EIF3M: variants seen among roughly 807,000 people sequenced by gnomAD.
The protein encoded by EIF3M is B5 receptor.
A neutral mutation model predicts 49.7 loss-of-function variants in EIF3M; 25 were observed. The observed-to-expected ratio is 0.50, with a 90% CI of 0.37 to 0.70. The LOEUF is 0.70. EIF3M is among the 30% of genes least tolerant of loss of function. EIF3M has a pLI of 0.00. For missense variants in EIF3M, 350 were observed against 440.0 expected, an observed-to-expected ratio of 0.80 and a Z score of 1.83; for synonymous variants, 156 against 149.8, an observed-to-expected ratio of 1.04 and a Z score of -0.30.
At chr11:32,594,651 G>C (rs144588614) in intron 6 of EIF3M, 18 of 306,934 alleles carry the variant, frequency 5.9e-5, no homozygotes, top group African/African-American at 3.3e-4. Context: ...TGGTTCTGCT[G>C]CTGCTTACTA....
intron 2 of EIF3M, among the ~76,000 whole-genome samples, chr11:32,587,920 A>G (rs1197732344): frequency 6.6e-6 from 1 of 152,236 alleles, no homozygotes; most frequent in African/African-American, 2.4e-5. Flanking sequence ...AACTAATTCA[A>G]GCAGAGAGCT....
At chr11:32,600,929 C>A in intron 9 of EIF3M, 97 bp downstream of exon 9, 1 of 1,452,454 alleles carries the variant, frequency 6.9e-7, no homozygotes, top group Non-Finnish European at 9.2e-7. Context: ...CCTTACACAA[C>A]AAAGATTTGT....
At position 32,583,836 on chromosome 11, in the gene EIF3M, C is replaced by G; in HGVS notation, c.-52C>G. 5 of 1,598,068 alleles carry G rather than the reference C, an allele frequency of 3.1e-6. No homozygotes were observed. The highest frequency in any genetic ancestry group is 4.3e-6 in the Non-Finnish European group (5 of 1,169,282). On this transcript the variant is annotated 5_prime_UTR_variant, in exon 1 of 11. Transcript: ENST00000531120. ...GCGTCGCGCGGCCCAGTTCCCTTTT[C>G]CGGTCGGCGTGGTCTTGCGAGTGGA...
chr11:32,584,607 C>CAA lies in EIF3M; in HGVS notation c.42+698_42+699dup, dbSNP rs796738414. On this transcript the variant is annotated intron_variant, in intron 1 of 10. Coordinates refer to ENST00000531120, the MANE Select transcript of EIF3M (RefSeq NM_006360.6). ...TGGGCGACAGAGCGAGAGTCCCTCT[C>CAA]AAAAAAAAAAAAAAAAAAAAAGATC... 6.3e-4 allele frequency among the ~76,000 whole-genome samples: 39 copies of CAA among 62,278 alleles called. 1 individual carries two copies. Among genetic ancestry groups the CAA allele is most frequent in the South Asian group, 2.1e-3 (2 of 932 alleles). 40.9% of individuals were successfully genotyped at this position (62,278 alleles called of 152,430 possible). A position where few individuals can be genotyped will look rare whatever the true frequency, so the allele number is the denominator to read the frequency against.
At chr11:32,599,121 A>G (rs779971029) in intron 8 of EIF3M, among the ~76,000 whole-genome samples, 5 of 152,080 alleles carry the variant, frequency 3.3e-5, no homozygotes, top group Non-Finnish European at 4.4e-5. Flanking sequence ...AGTTTGTCAG[A>G]ACATTTTCCT....
chr11:32,589,406 C>T (rs1407221860), intron 4 of EIF3M, 141 bp from the exon 5 acceptor site: 3 of 886,618 alleles, frequency 3.4e-6, no homozygotes, highest in African/African-American at 3.4e-5. Context: ...GAACTCCCGA[C>T]TTCAGTTGAT....
intron 8 of EIF3M, among the ~76,000 whole-genome samples, chr11:32,596,430 C>T (rs1331262883): frequency 1.3e-5 from 2 of 151,708 alleles, no homozygotes; most frequent in African/African-American, 4.8e-5. Context: ...CCTGTCTCTA[C>T]TAAAAATACA....
At chr11:32,589,742 G>A in intron 5 of EIF3M, 101 bp downstream of exon 5, 1 of 879,426 alleles carries the variant, frequency 1.1e-6, no homozygotes. Context: ...GCTTTACTCT[G>A]TTCTCCACAG....
intron 8 of EIF3M, among the ~76,000 whole-genome samples, chr11:32,596,600 CAAAA>C (rs35206274): frequency 6.0e-5 from 7 of 116,372 alleles, no homozygotes; most frequent in Admixed American, 2.8e-4. Context: ...GAGTCTGTCT[CAAAA>C]AAAAAAAAAA....
intron 5 of EIF3M, chr11:32,592,137 C>T (rs1855112506): frequency 2.9e-6 from 1 of 342,458 alleles, no homozygotes; most frequent in South Asian, 2.4e-5. Flanking sequence ...CCATATCCTC[C>T]TCTTCCACCA....
intron 10 of EIF3M, 83 bp downstream of exon 10, chr11:32,601,905 G>A (rs1855273996): frequency 2.1e-6 from 3 of 1,440,488 alleles, no homozygotes; most frequent in Admixed American, 3.7e-5. Flanking sequence ...AGAGAACCAA[G>A]GTGGTGTTAT....
At chr11:32,596,147 T>A in intron 8 of EIF3M, 100 bp downstream of exon 8, 1 of 910,748 alleles carries the variant, frequency 1.1e-6, no homozygotes. Context: ...TGGCCTTATT[T>A]GTAGATTATC....
rs1356986265 is a variant in EIF3M, at chr11:32,602,858, TC to T, written c.*460del. The T allele has an allele frequency of 3.1e-6, 5 of 1,609,660 alleles. No individual in the cohort carries two copies. Among genetic ancestry groups the T allele is most frequent in the South Asian group, 1.1e-5 (1 of 90,168 alleles). ...TCCAACGTCTCTTCTGCTTTTCTTT[TC>T]TTTGGCTGGTTGTCATTTTCTAAAC... On this transcript the variant is annotated 3_prime_UTR_variant, in exon 11 of 11. Transcript: ENST00000531120.
chr11:32,586,009 C>A (rs1435709728), intron 1 of EIF3M, among the ~76,000 whole-genome samples: 2 of 152,180 alleles, frequency 1.3e-5, no homozygotes, highest in Non-Finnish European at 2.9e-5. Context: ...GCCCGTGGAT[C>A]ACCGGAGGTC....
chr11:32,583,881 C>T lies in EIF3M; in HGVS notation c.-7C>T. On this transcript the variant is annotated 5_prime_UTR_variant, in exon 1 of 11. Transcript: ENST00000531120. ...AGTGGAGTGTCCGCTGTGCCCGGGC[C>T]TGCACCATGAGCGTCCCGGCCTTCA... The T allele has an allele frequency of 6.2e-7, 1 of 1,613,686 alleles. No individual in the cohort carries two copies. Among genetic ancestry groups the T allele is most frequent in the Non-Finnish European group, 8.5e-7 (1 of 1,179,800 alleles).
chr11:32,604,580 T>A lies in EIF3M; in HGVS notation c.*2181T>A, dbSNP rs766909905. The A allele has an allele frequency of 6.6e-6, 1 of 152,250 alleles. No homozygotes were observed. The highest frequency in any genetic ancestry group is 2.4e-5 in the African/African-American group (1 of 41,474). 9.4% of individuals were successfully genotyped at this position (152,250 alleles called of 1,614,324 possible). ...GGGGTCATATTTTTATTGGTTTATA[T>A]GCTATGTTAAACATTTTTAGCATTT... On this transcript the variant is annotated 3_prime_UTR_variant, in exon 11 of 11. Coordinates refer to ENST00000531120, the MANE Select transcript of EIF3M (RefSeq NM_006360.6).
Position 32,605,386 on chromosome 11 carries a change from A to G in EIF3M, c.*2987A>G, listed in dbSNP as rs1413251429. 1 of 152,102 alleles carries G rather than the reference A, an allele frequency of 6.6e-6. No homozygotes were observed. Among genetic ancestry groups the G allele is most frequent in the African/African-American group, 2.4e-5 (1 of 41,412 alleles). 9.4% of individuals were successfully genotyped at this position (152,102 alleles called of 1,614,324 possible). A position where few individuals can be genotyped will look rare whatever the true frequency, so the allele number is the denominator to read the frequency against. On this transcript the variant is annotated 3_prime_UTR_variant, in exon 11 of 11. Transcript: ENST00000531120. The stretch of plus-strand genomic sequence containing the variant: ...CAAAAGTGTCTGCACAGGACTGCTA[A>G]GAGAACCTAGGCAAGTCATTTAATT...
chr11:32,589,251 A>G, intron 4 of EIF3M, 116 bp downstream of exon 4: 1 of 1,454,976 alleles, frequency 6.9e-7, no homozygotes, highest in Non-Finnish European at 9.2e-7. Flanking sequence ...ATCTCAGCTC[A>G]CCGCAACCTC....
rs576407070 is a variant in EIF3M at position 32,588,508 on chromosome 11, G to A, written c.176-86G>A. The A allele has an allele frequency of 4.2e-5, 61 of 1,448,196 alleles. No individual in the cohort carries two copies. In the African/African-American group the frequency reaches 8.3e-4, roughly 20 times the overall value. 89.7% of individuals were successfully genotyped at this position (1,448,196 alleles called of 1,614,324 possible). A position where few individuals can be genotyped will look rare whatever the true frequency, so the allele number is the denominator to read the frequency against. ...TGTCTTACATTTGATGGTCTTCATT[G>A]TATTAAAACACTGGAAATGCATATT... On this transcript the variant is annotated intron_variant, in intron 2 of 10. Coordinates refer to ENST00000531120, the MANE Select transcript of EIF3M (RefSeq NM_006360.6).
Sources: allele counts gnomAD v4.1 joint callset (sites outside exome capture counted in the v4.1 genomes callset), GRCh38; gene constraint gnomAD v4.1.1; transcripts MANE v1.5; gene names NCBI Gene and HGNC (gene_info 2026-07-23, HGNC 2026-07-21).